SPATS2L: variants seen among roughly 807,000 people sequenced by gnomAD.
SPATS2L encodes the protein SPATS2-like protein.
Under a neutral mutation model 59.6 loss-of-function variants are expected in SPATS2L, and 30 were observed. The ratio of observed to expected loss-of-function variants is 0.50; its 90% confidence interval spans 0.38 to 0.68. The LOEUF (loss-of-function observed/expected upper bound fraction) is 0.68. Ranked by LOEUF, SPATS2L falls within the 30% of genes least tolerant of loss-of-function variation. The probability of loss-of-function intolerance (pLI) is 0.00; values close to 1 mark genes in which losing one functional copy is unlikely to be tolerated. For synonymous variants in SPATS2L, 252 were observed against 263.5 expected (o/e 0.96, Z 0.42); for missense variants, 615 against 700.0 (o/e 0.88, Z 1.37).
intron 1 of SPATS2L, among the ~76,000 whole-genome samples, chr2:200,308,517 C>G (rs767282970): frequency 2.6e-5 from 4 of 152,122 alleles, no homozygotes; most frequent in Non-Finnish European, 5.9e-5. Context: ...GGAATAAGCT[C>G]AAGCTGTGTT....
chr2:200,434,650 G>A (rs868211095), intron 6 of SPATS2L, among the ~76,000 whole-genome samples: 1 of 152,198 alleles, frequency 6.6e-6, no homozygotes, highest in Middle Eastern at 3.4e-3. Flanking sequence ...AAATTTGACT[G>A]TAGATGCACA....
intron 3 of SPATS2L, among the ~76,000 whole-genome samples, chr2:200,411,871 G>A: frequency 6.6e-6 from 1 of 152,136 alleles, no homozygotes; most frequent in East Asian, 1.9e-4. Context: ...CAAGATGACT[G>A]TTTCCACTGT....
At chr2:200,371,766 G>A (rs778524652) in intron 2 of SPATS2L, among the ~76,000 whole-genome samples, 2 of 152,208 alleles carry the variant, frequency 1.3e-5, no homozygotes, top group African/African-American at 2.4e-5. Context: ...GTTCAGTGTT[G>A]AAGCTTCACC....
At chr2:200,360,107 G>T (rs1410192480) in intron 2 of SPATS2L, among the ~76,000 whole-genome samples, 3 of 152,032 alleles carry the variant, frequency 2.0e-5, no homozygotes, top group African/African-American at 7.3e-5. Flanking sequence ...AACATATATG[G>T]TCCATGTGCA....
chr2:200,416,498 C>A (rs538972129), intron 5 of SPATS2L, 70 bp downstream of exon 5: 2 of 887,952 alleles, frequency 2.3e-6, no homozygotes, highest in Non-Finnish European at 3.2e-6. Context: ...ATCATTTTAA[C>A]AAGGCTGCCA....
At chr2:200,382,539 G>T (rs1470575692) in intron 2 of SPATS2L, among the ~76,000 whole-genome samples, 1 of 152,152 alleles carries the variant, frequency 6.6e-6, no homozygotes, top group Non-Finnish European at 1.5e-5. Flanking sequence ...TCCCCTGGTG[G>T]AGTTCTTACT....
At chr2:200,394,461 T>C (rs2082269199) in intron 3 of SPATS2L, among the ~76,000 whole-genome samples, 2 of 152,220 alleles carry the variant, frequency 1.3e-5, no homozygotes, top group African/African-American at 4.8e-5. Context: ...CGGAGTGTAA[T>C]TGTTAGTTGT....
At chr2:200,420,728 C>T (rs367987826) in intron 6 of SPATS2L, among the ~76,000 whole-genome samples, 15 of 152,140 alleles carry the variant, frequency 9.9e-5, no homozygotes, top group Admixed American at 3.3e-4. Flanking sequence ...GTTGTAAATC[C>T]GTAGTAAAAC....
chr2:200,336,485 G>C (rs1156824206), intron 2 of SPATS2L, among the ~76,000 whole-genome samples: 1 of 152,096 alleles, frequency 6.6e-6, no homozygotes, highest in Non-Finnish European at 1.5e-5. Flanking sequence ...GCTACTTACT[G>C]CTCATAGTTA....
At chr2:200,423,818 C>T (rs900936086) in intron 6 of SPATS2L, among the ~76,000 whole-genome samples, 1 of 152,176 alleles carries the variant, frequency 6.6e-6, no homozygotes, top group African/African-American at 2.4e-5. Context: ...ATGTGGGATG[C>T]GTGTTTTATC....
intron 2 of SPATS2L, among the ~76,000 whole-genome samples, chr2:200,332,594 A>G (rs769767664): frequency 1.1e-4 from 16 of 152,060 alleles, no homozygotes; most frequent in Admixed American, 3.3e-4. Flanking sequence ...CATGGCTTAG[A>G]TTTAGTGAAT....
intron 8 of SPATS2L, among the ~76,000 whole-genome samples, chr2:200,452,240 T>C (rs1014081371): frequency 6.6e-6 from 1 of 152,280 alleles, no homozygotes; most frequent in African/African-American, 2.4e-5. Flanking sequence ...TAAAAATTTC[T>C]ATTGTTCATC....
chr2:200,402,634 C>T (rs558255037), intron 3 of SPATS2L, among the ~76,000 whole-genome samples: 2 of 152,366 alleles, frequency 1.3e-5, no homozygotes, highest in African/African-American at 4.8e-5. Context: ...TCTTCTATAA[C>T]ATTCATCAAA....
rs1179066818 is a variant in SPATS2L, at chr2:200,306,798, G to A, written c.-197G>A. On this transcript the variant is annotated 5_prime_UTR_variant, in exon 1 of 13. Transcript: ENST00000409140. ...CTCCGGACGGCGCGCGGCCCAGGCAGCGGCTCCCGCTCGGCCCGCCCTCCG... is the reference window on the plus strand; with the variant it reads ...CTCCGGACGGCGCGCGGCCCAGGCAACGGCTCCCGCTCGGCCCGCCCTCCG... The A allele has an allele frequency of 2.4e-5, 24 of 981,142 alleles. No individual in the cohort carries two copies. The highest frequency in any genetic ancestry group is 2.8e-5 in the Non-Finnish European group (23 of 828,274). 60.8% of individuals were successfully genotyped at this position (981,142 alleles called of 1,614,324 possible).
At chr2:200,316,131 G>A (rs73986827) in intron 1 of SPATS2L, among the ~76,000 whole-genome samples, 3,076 of 152,230 alleles carry the variant, frequency 0.02, 105 homozygotes, top group African/African-American at 0.071. Flanking sequence ...TCAGGAAGGG[G>A]AACCCTCCTG....
At chr2:200,326,254 G>A (rs78427180) in intron 1 of SPATS2L, among the ~76,000 whole-genome samples, 2,327 of 152,260 alleles carry the variant, frequency 0.015, 71 homozygotes, top group East Asian at 0.097. Flanking sequence ...GGAGCTACAA[G>A]GGCTTGCCAC....
intron 3 of SPATS2L, among the ~76,000 whole-genome samples, chr2:200,395,437 A>G (rs1212516507): frequency 2.0e-5 from 3 of 152,208 alleles, no homozygotes; most frequent in African/African-American, 7.2e-5. Context: ...ACACTTGGGA[A>G]GTGATCTCCA....
chr2:200,370,810 A>G (rs1400899224), intron 2 of SPATS2L, among the ~76,000 whole-genome samples: 1 of 152,196 alleles, frequency 6.6e-6, no homozygotes, highest in Non-Finnish European at 1.5e-5. Flanking sequence ...ACTTAATGGC[A>G]TAAGTGACAT....
chr2:200,437,108 T>A lies in SPATS2L; in HGVS notation c.446-2014T>A, dbSNP rs1574534240. ...AGAAGCTGAGCAGATGTTGGCATCA[T>A]GCTTCTTGTACAGCGTACAGAACCA... On this transcript the variant is annotated intron_variant, in intron 6 of 12. Coordinates refer to ENST00000409140, the MANE Select transcript of SPATS2L (RefSeq NM_001100423.2). Among the ~76,000 whole-genome samples the A allele has an allele frequency of 3.9e-5, 6 of 152,310 alleles. No individual in the cohort carries two copies. In the South Asian group the frequency reaches 1.2e-3, roughly 32 times the overall value.
Sources: gnomAD v4.1 joint callset for allele counts (sites outside exome capture counted in the v4.1 genomes callset) on GRCh38, gnomAD v4.1.1 for gene constraint, MANE v1.5 for transcripts, NCBI Gene and HGNC (gene_info 2026-07-23, HGNC 2026-07-21) for gene names.